The following ASTN2 variants were observed in gnomAD, a reference collection of about 807,000 sequenced individuals.
ASTN2 encodes the protein astrotactin 2.
A neutral mutation model predicts 139.8 loss-of-function variants in ASTN2; 54 were observed. The observed-to-expected ratio is 0.39, with a 90% CI of 0.31 to 0.48. The LOEUF (loss-of-function observed/expected upper bound fraction) is 0.48. Among genes scored for constraint, ASTN2 ranks in the 20% least tolerant of loss-of-function variants. The probability of loss-of-function intolerance (pLI) is 0.95; values close to 1 mark genes in which losing one functional copy is unlikely to be tolerated. For missense variants in ASTN2, 1,565 were observed against 1,725.1 expected (o/e 0.91, Z 1.64); for synonymous variants, 756 against 719.5 (o/e 1.05, Z -0.81).
chr9:117,318,313 C>G (rs1828213061), intron 1 of ASTN2, among the ~76,000 whole-genome samples: 1 of 152,278 alleles, frequency 6.6e-6, no homozygotes, highest in South Asian at 2.1e-4. Flanking sequence ...CACTTAAAAA[C>G]TTGCCTGGCA....
intron 3 of ASTN2, among the ~76,000 whole-genome samples, chr9:117,194,166 A>T (rs777099845): frequency 2.6e-5 from 4 of 152,128 alleles, no homozygotes; most frequent in African/African-American, 7.2e-5. Flanking sequence ...TAAGACCTAA[A>T]ACCCTCATGT....
At chr9:116,847,027 C>A (rs12341529) in intron 11 of ASTN2, among the ~76,000 whole-genome samples, 17,996 of 107,750 alleles carry the variant, frequency 0.17, 1,640 homozygotes, top group Non-Finnish European at 0.2. Flanking sequence ...AAAAAAAAAA[C>A]AAAAAACAAA....
At chr9:117,200,100 C>CT (rs1194371185) in intron 3 of ASTN2, among the ~76,000 whole-genome samples, 1 of 150,486 alleles carries the variant, frequency 6.6e-6, no homozygotes, top group Non-Finnish European at 1.5e-5. Flanking sequence ...TATTATTATA[C>CT]TTTAAGTTTT....
intron 6 of ASTN2, among the ~76,000 whole-genome samples, chr9:117,022,847 G>T (rs1420939231): frequency 6.6e-6 from 1 of 152,132 alleles, no homozygotes; most frequent in Admixed American, 6.5e-5. Flanking sequence ...GGGCAGAGGG[G>T]CTGCGTCTGA....
rs180884539 is a variant in ASTN2, at chr9:117,021,708, C to T, written c.1424-13449G>A. 2.8e-4 allele frequency among the ~76,000 whole-genome samples: 42 copies of T among 152,166 alleles called. No individual in the cohort carries two copies. The East Asian group carries it at 5.0e-3, about 18-fold the overall frequency. ...ATGATAATGATCCAGTTAAATGGGC[C>T]TTGGTTCCTCAGCTATAAAAATTTG... On this transcript the variant is annotated intron_variant, in intron 6 of 22. Coordinates refer to ENST00000313400, the MANE Select transcript of ASTN2 (RefSeq NM_001365068.1).
chr9:117,395,497 C>T (rs1830653616), intron 1 of ASTN2, among the ~76,000 whole-genome samples: 1 of 152,168 alleles, frequency 6.6e-6, no homozygotes, highest in African/African-American at 2.4e-5. Context: ...CACACACTGC[C>T]CTCTTGTTAC....
chr9:116,994,004 C>T (rs1836940789), intron 7 of ASTN2, among the ~76,000 whole-genome samples: 1 of 151,334 alleles, frequency 6.6e-6, no homozygotes, highest in South Asian at 2.1e-4. Context: ...AGCCTCACAT[C>T]CTGGTTAAAT....
At position 116,976,781 on chromosome 9, in the gene ASTN2, C is replaced by T. The variant is rs377668683; in HGVS notation, c.1596G>A (p.Glu532=). Residue 532 remains glutamate (E), a synonymous_variant, in exon 8 of 23, where the codon GAG becomes GAA. Transcript: ENST00000313400. ...GGGCATAGCCTTCATGACAGCTGCA[C>T]TCTCCTGTAAGTGAAAAGAAAAAAG... ...CEQLCDPETG[E]CSCHEGYAPD... 2.0e-4 allele frequency: 330 copies of T among 1,613,796 alleles called. No individual in the cohort carries two copies. The highest frequency in any genetic ancestry group is 2.7e-4 in the Non-Finnish European group (318 of 1,179,848).
At chr9:117,362,418 AG>A (rs1294026624) in intron 1 of ASTN2, among the ~76,000 whole-genome samples, 1 of 152,052 alleles carries the variant, frequency 6.6e-6, no homozygotes, top group Non-Finnish European at 1.5e-5. Context: ...TGCAGCTTTC[AG>A]TTGGGTTCTG....
At chr9:117,288,676 G>A (rs770887451) in intron 2 of ASTN2, among the ~76,000 whole-genome samples, 8 of 152,284 alleles carry the variant, frequency 5.3e-5, no homozygotes, top group Non-Finnish European at 8.8e-5. Context: ...CATCTTAAAT[G>A]TAAACACTCT....
chr9:117,175,520 C>G (rs1194959601), intron 3 of ASTN2, among the ~76,000 whole-genome samples: 1 of 152,074 alleles, frequency 6.6e-6, no homozygotes, highest in Non-Finnish European at 1.5e-5. Flanking sequence ...GAGTCCTGCC[C>G]TTTCTGATAC....
intron 10 of ASTN2, among the ~76,000 whole-genome samples, chr9:116,971,673 T>C (rs1045851066): frequency 1.2e-4 from 19 of 152,348 alleles, no homozygotes; most frequent in Non-Finnish European, 1.8e-4. Flanking sequence ...ATAGGTCGTC[T>C]TTAGCCTTTC....
intron 1 of ASTN2, among the ~76,000 whole-genome samples, chr9:117,311,056 C>G (rs999897192): frequency 6.6e-6 from 1 of 152,154 alleles, no homozygotes; most frequent in Admixed American, 6.5e-5. Context: ...CTGGGGCTCC[C>G]TGGGACCACC....
Position 116,694,459 on chromosome 9 carries a change from C to CT in ASTN2, c.2806+31311dup, listed in dbSNP as rs56666915. Reference sequence around the variant, plus strand: ...GCATGGATCCTGAGTTGTAATTTCTCTTTTTTTTTTTTTTTTTTTTGAGAT... The same window carrying CT: ...GCATGGATCCTGAGTTGTAATTTCTCTTTTTTTTTTTTTTTTTTTTTGAGAT... On this transcript the variant is annotated intron_variant, in intron 16 of 22. Coordinates refer to ENST00000313400, the MANE Select transcript of ASTN2 (RefSeq NM_001365068.1). 2.9e-3 allele frequency among the ~76,000 whole-genome samples: 258 copies of CT among 88,026 alleles called. 6 individuals are homozygous for CT. The highest frequency in any genetic ancestry group is 6.6e-3 in the African/African-American group (141 of 21,354). 57.7% of individuals were successfully genotyped at this position (88,026 alleles called of 152,430 possible).
At chr9:116,491,227 C>A (rs1450425581) in intron 19 of ASTN2, among the ~76,000 whole-genome samples, 3 of 152,168 alleles carry the variant, frequency 2.0e-5, no homozygotes, top group African/African-American at 4.8e-5. Context: ...AGGAAGGCAA[C>A]TGACATCTAG....
chr9:116,584,533 T>C (rs1408189858), intron 19 of ASTN2: 3 of 152,020 alleles, frequency 2.0e-5, no homozygotes, highest in Admixed American at 6.6e-5. Context: ...AAACTAGAAA[T>C]AGAAGATACC....
intron 10 of ASTN2, among the ~76,000 whole-genome samples, chr9:116,973,076 T>G (rs753113931): frequency 5.9e-5 from 9 of 152,330 alleles, no homozygotes; most frequent in South Asian, 4.1e-4. Context: ...ATCTACATAG[T>G]GCAGATTCTC....
chr9:116,712,529 T>A (rs1458112178), intron 16 of ASTN2, among the ~76,000 whole-genome samples: 1 of 152,162 alleles, frequency 6.6e-6, no homozygotes, highest in Admixed American at 6.5e-5. Flanking sequence ...TATGTTGACA[T>A]ATGTGAGCAC....
intron 13 of ASTN2, among the ~76,000 whole-genome samples, chr9:116,779,167 C>T (rs1830156807): frequency 6.6e-6 from 1 of 152,132 alleles, no homozygotes; most frequent in African/African-American, 2.4e-5. Context: ...TCATGTGTTG[C>T]AAATTTAATC....
Sources: gnomAD v4.1 joint callset for allele counts (sites outside exome capture counted in the v4.1 genomes callset) on GRCh38, gnomAD v4.1.1 for gene constraint, MANE v1.5 for transcripts, NCBI Gene and HGNC (gene_info 2026-07-23, HGNC 2026-07-21) for gene names.